The following STARD9 variants were observed in gnomAD, a reference collection of about 807,000 sequenced individuals.
STARD9 encodes stAR-related lipid transfer protein 9.
In STARD9, 346 loss-of-function variants were observed where a neutral mutation model predicts 399.8. That is an observed-to-expected ratio of 0.87 (90% CI 0.79 to 0.95). The LOEUF is 0.95. STARD9 is among the 40% of genes least tolerant of loss of function. The pLI is 0.00. For missense variants in STARD9, 5,832 were observed against 5,667.5 expected (o/e 1.03, Z -0.93); for synonymous variants, 2,203 against 2,143.5 (o/e 1.03, Z -0.77).
chr15:42,690,484 C>T lies in STARD9; in HGVS notation c.8906C>T (p.Ser2969Phe). The T allele has an allele frequency of 1.3e-6, 2 of 1,537,226 alleles. No individual in the cohort carries two copies. Among genetic ancestry groups the T allele is most frequent in the Non-Finnish European group, 1.7e-6 (2 of 1,146,910 alleles). Residue 2969 changes from serine to phenylalanine, a missense_variant, in exon 23 of 33, where the codon TCC becomes TTC. Physicochemically the swap from Ser to Phe is radical, Grantham distance 155 (BLOSUM62 -2). Coordinates refer to ENST00000290607, the MANE Select transcript of STARD9 (RefSeq NM_020759.3). ...SQPVATHAYS[S>F]HSSTLLCFRD... ...CCTGTTGCTACTCATGCTTATTCCT[C>T]CCATTCCTCTACTTTACTGTGTTTT...
intron 3 of STARD9, among the ~76,000 whole-genome samples, chr15:42,606,254 C>T (rs1267441921): frequency 6.6e-6 from 1 of 152,168 alleles, no homozygotes; most frequent in Non-Finnish European, 1.5e-5. Context: ...ACTGTCTCAC[C>T]ACATCCTGCT....
chr15:42,710,376 T>C (rs1008450911), intron 26 of STARD9, among the ~76,000 whole-genome samples: 6 of 152,120 alleles, frequency 3.9e-5, no homozygotes, highest in African/African-American at 1.4e-4. Flanking sequence ...AGCACTTCTT[T>C]AATTGATTTT....
Position 42,684,890 on chromosome 15 carries a change from T to G in STARD9, c.3312T>G (p.Asp1104Glu). The change falls in exon 23 of 33, where the codon GAT becomes GAG. Residue 1104 changes from aspartate to glutamate, a missense_variant. By Grantham distance (45) the Asp-to-Glu change is conservative. This residue lies in a region of STARD9 where 5,828 missense variants were observed against 5,651.1 expected (regional missense o/e 1.03). Transcript: ENST00000290607. The stretch of plus-strand genomic sequence containing the variant: ...AAGACAATGATTTATCTGACACAGA[T>G]AGCAACTACTCATTGGATTCTCTCT... ...REKDNDLSDTDSNYSLDSLSC... is the reference protein window; with the variant it reads ...REKDNDLSDTESNYSLDSLSC... 1 of 1,537,066 alleles carries G rather than the reference T, an allele frequency of 6.5e-7. No homozygotes were observed. The highest frequency in any genetic ancestry group is 8.7e-7 in the Non-Finnish European group (1 of 1,146,924).
rs187216270 is a variant in STARD9 at position 42,611,824 on chromosome 15, A to T, written c.235-23032A>T. On this transcript the variant is annotated intron_variant, in intron 3 of 32. Transcript: ENST00000290607. ...AATAAACTGGAAACTGTCAGCAGTC[A>T]CACAGCCAAGCCACATGACACTGGA... Among the ~76,000 whole-genome samples, 181 of 152,328 alleles carry T rather than the reference A, an allele frequency of 1.2e-3. 3 individuals are homozygous for T. The South Asian group carries it at 0.019, about 16-fold the overall frequency.
At position 42,713,643 on chromosome 15, in the gene STARD9, C is replaced by T. The variant is rs553908774; in HGVS notation, c.13285-3034C>T. On this transcript the variant is annotated intron_variant, in intron 26 of 32. Transcript: ENST00000290607. ...GTCAAATACTTTTTTCTGGTGTCTA[C>T]TGAGATAATCTTACTGGGTCTTTTC... 3.9e-5 allele frequency among the ~76,000 whole-genome samples: 6 copies of T among 152,276 alleles called. No homozygotes were observed. The South Asian group carries it at 1.2e-3, about 32-fold the overall frequency.
intron 7 of STARD9, among the ~76,000 whole-genome samples, chr15:42,646,067 A>T (rs888973059): frequency 1.3e-5 from 2 of 152,138 alleles, no homozygotes; most frequent in Non-Finnish European, 2.9e-5. Context: ...AGGCTAAGGC[A>T]GGAGAATCAC....
intron 26 of STARD9, among the ~76,000 whole-genome samples, chr15:42,712,111 A>ATAT (rs55808206): frequency 3.1e-4 from 1 of 3,180 alleles, no homozygotes; most frequent in Admixed American, 6.3e-3. Context: ...TATAATATAT[A>ATAT]ATATATAATA....
rs772774572 is a variant in STARD9 at position 42,685,219 on chromosome 15, T to TG, written c.3646dup (p.Glu1216GlyfsTer13). ...AGCCTGATTGATGCAGAGGAAGAAC[T>TG]GGGGGAAGATCAGCAAGAAGAACCT... On this transcript the variant is annotated frameshift_variant, in exon 23 of 33. Transcript: ENST00000290607. LOFTEE classifies it high-confidence loss of function. The TG allele has an allele frequency of 2.0e-6, 3 of 1,537,078 alleles. No homozygotes were observed. Among genetic ancestry groups the TG allele is most frequent in the South Asian group, 2.4e-5 (2 of 84,060 alleles).
intron 3 of STARD9, among the ~76,000 whole-genome samples, chr15:42,607,093 A>G (rs2058742413): frequency 6.7e-6 from 1 of 149,044 alleles, no homozygotes; most frequent in Non-Finnish European, 1.5e-5. Context: ...GACTACAGGC[A>G]TGTGCCACGT....
intron 1 of STARD9, 81 bp from the exon 2 acceptor site, chr15:42,583,265 T>C: frequency 3.0e-6 from 3 of 1,003,518 alleles, no homozygotes; most frequent in Non-Finnish European, 4.4e-6. Context: ...GGAAATATTT[T>C]GTCCCACTAG....
At chr15:42,704,616 G>A (rs2061036172) in intron 26 of STARD9, among the ~76,000 whole-genome samples, 1 of 152,154 alleles carries the variant, frequency 6.6e-6, no homozygotes, top group Non-Finnish European at 1.5e-5. Context: ...CTGGGACTCT[G>A]TTACAGACTC....
chr15:42,682,659 C>A, intron 22 of STARD9, 84 bp downstream of exon 22: 1 of 1,033,320 alleles, frequency 9.7e-7, no homozygotes, highest in Non-Finnish European at 1.4e-6. Flanking sequence ...TTTCCCCATG[C>A]CTCATTTCCT....
At chr15:42,717,611 C>G (rs1418879483) in intron 28 of STARD9, 120 bp from the exon 29 acceptor site, 8 of 874,354 alleles carry the variant, frequency 9.1e-6, no homozygotes, top group Non-Finnish European at 1.3e-5. Flanking sequence ...GGTGACAGAG[C>G]TAGACCCTGT....
intron 26 of STARD9, among the ~76,000 whole-genome samples, chr15:42,715,956 G>T (rs889574606): frequency 6.6e-6 from 1 of 152,228 alleles, no homozygotes; most frequent in Admixed American, 6.5e-5. Context: ...AGAGGCAGAA[G>T]GGCCTGCTGT....
intron 8 of STARD9, 79 bp downstream of exon 8, chr15:42,651,164 A>G (rs933996381): frequency 2.9e-5 from 29 of 1,011,836 alleles, no homozygotes; most frequent in Non-Finnish European, 4.0e-5. Flanking sequence ...TGGGGAGTGT[A>G]TAATGACACT....
At chr15:42,666,704 A>T (rs561023664) in intron 15 of STARD9, among the ~76,000 whole-genome samples, 40 of 152,288 alleles carry the variant, frequency 2.6e-4, no homozygotes, top group African/African-American at 7.7e-4. Flanking sequence ...AGGTGGGAAG[A>T]CTGGAAGCAG....
At chr15:42,625,092 T>C (rs1335572235) in intron 3 of STARD9, among the ~76,000 whole-genome samples, 1 of 152,122 alleles carries the variant, frequency 6.6e-6, no homozygotes, top group African/African-American at 2.4e-5. Context: ...GGTGGCACAG[T>C]CTTGGCCCAC....
chr15:42,684,709 A>T lies in STARD9; in HGVS notation c.3131A>T (p.His1044Leu). The change falls in exon 23 of 33, where the codon CAT (histidine) becomes CTT (leucine). Residue 1044 changes from histidine (H) to leucine (L), a missense_variant. Physicochemically the swap from His to Leu is moderately conservative, Grantham distance 99 (BLOSUM62 -3). This residue lies in a region of STARD9 where 5,828 missense variants were observed against 5,651.1 expected (regional missense o/e 1.03). Coordinates refer to ENST00000290607, the MANE Select transcript of STARD9 (RefSeq NM_020759.3). ...PPSPSRASKR[H>L]QRVLATRVRN... ...TCTCCAAGCAGGGCATCAAAAAGGC[A>T]TCAGAGGGTTCTGGCAACTAGGGTC... 6.5e-7 allele frequency: 1 copy of T among 1,537,256 alleles called. No individual in the cohort carries two copies. Among genetic ancestry groups the T allele is most frequent in the African/African-American group, 1.4e-5 (1 of 73,174 alleles).
intron 7 of STARD9, among the ~76,000 whole-genome samples, chr15:42,641,762 G>A (rs550267054): frequency 1.7e-4 from 26 of 151,990 alleles, no homozygotes; most frequent in Non-Finnish European, 3.2e-4. Context: ...GAGCCACCAC[G>A]CCTGGCTAAT....
Sources: allele counts gnomAD v4.1 joint callset (sites outside exome capture counted in the v4.1 genomes callset), GRCh38; gene constraint gnomAD v4.1.1; regional missense constraint gnomAD v4.1.1; transcripts MANE v1.5; gene names NCBI Gene and HGNC (gene_info 2026-07-23, HGNC 2026-07-21).